HEPH: variants seen among roughly 807,000 people sequenced by gnomAD.
HEPH encodes the protein hephaestin.
A neutral mutation model predicts 80.8 loss-of-function variants in HEPH; 69 were observed. That is an observed-to-expected ratio of 0.85 (90% CI 0.70 to 1.04). The LOEUF is 1.04. HEPH is among the 50% of genes least tolerant of loss of function. The pLI is 0.00. For missense variants in HEPH, 1,115 were observed against 891.3 expected (o/e 1.25, Z -3.20); for synonymous variants, 431 against 322.8 (o/e 1.34, Z -3.60).
At position 66,164,473 on chromosome X, in the gene HEPH, A is replaced by G. The variant is rs958374105; in HGVS notation, c.-14+3A>G. On this transcript the variant is annotated splice_donor_region_variant and intron_variant, in intron 1 of 20. Coordinates refer to ENST00000343002, the MANE Select transcript of HEPH (RefSeq NM_001367233.3). ...TGGAGTAGTTTTCTCTAGCAAAGGT[A>G]AGCTTTCTTTTCTCTCTTTTCAAAC... 9.3e-6 allele frequency: 7 copies of G among 751,684 alleles called. No homozygotes were observed. The African/African-American group carries it at 1.6e-4, about 17-fold the overall frequency. The allele number at this position is 751,684 out of a possible 1,213,427, so 61.9% of individuals were successfully genotyped here.
chrX:66,258,310 G>A (rs1244946179), intron 17 of HEPH, among the ~76,000 whole-genome samples: 3 of 111,735 alleles, frequency 2.7e-5, no homozygotes, highest in Non-Finnish European at 5.6e-5. Context: ...TTATGGAGAG[G>A]AACTAGGAGA....
chrX:66,170,902 G>T (rs2086568618), intron 2 of HEPH, among the ~76,000 whole-genome samples, 165 bp downstream of exon 2: 1 of 111,725 alleles, frequency 9.0e-6, no homozygotes, highest in Non-Finnish European at 1.9e-5. Flanking sequence ...AAGGCTAGTT[G>T]AGTCAGAAGC....
chrX:66,251,114 C>A (rs1374390521), intron 15 of HEPH, among the ~76,000 whole-genome samples: 1 of 112,134 alleles, frequency 8.9e-6, no homozygotes, highest in African/African-American at 3.2e-5. Flanking sequence ...AACTCCTGAC[C>A]TCAAGTGATC....
rs756111538 is a variant in HEPH, at chrX:66,261,554, T to C, written c.3199+1292T>C. On this transcript the variant is annotated intron_variant, in intron 19 of 20. Transcript: ENST00000343002. ...CAAGGCTGTGTTTTTTTTTTTTTTT[T>C]CTATGCTTTTAAAGAATATATAGCC... Among the ~76,000 whole-genome samples, 16 of 91,828 alleles carry C rather than the reference T, an allele frequency of 1.7e-4. No individual in the cohort carries two copies. The South Asian group carries it at 3.0e-3, about 17-fold the overall frequency. The allele number at this position is 91,828 out of a possible 115,157, so 79.7% of individuals were successfully genotyped here. A position where few individuals can be genotyped will look rare whatever the true frequency, so the allele number is the denominator to read the frequency against.
chrX:66,227,744 C>T (rs1019639013), intron 15 of HEPH, among the ~76,000 whole-genome samples: 2 of 111,269 alleles, frequency 1.8e-5, no homozygotes, highest in African/African-American at 6.5e-5. Flanking sequence ...TATTCTGTTC[C>T]ATTGCTCTAT....
intron 13 of HEPH, among the ~76,000 whole-genome samples, chrX:66,204,735 A>G (rs1361716231): frequency 3.6e-5 from 4 of 112,484 alleles, no homozygotes; most frequent in African/African-American, 9.7e-5. Flanking sequence ...GACTTTATGT[A>G]GAAATCAGTT....
Position 66,200,748 on chromosome X carries a change from C to A in HEPH, c.2073C>A (p.Asn691Lys). ...TCATGGCCATCATGCAGCCTGACAA[C>A]CTTGGTAAGTGCCTTAGCAGCTGGC... is the stretch of plus-strand genomic sequence containing the variant. ...TFVMAIMQPD[N>K]LGTFEIYCQA... The change falls in exon 12 of 21, where the codon AAC (asparagine) becomes AAA (lysine). Residue 691 changes from asparagine to lysine, a missense_variant. Asn to Lys is a moderately conservative substitution (Grantham distance 94, BLOSUM62 0). Transcript: ENST00000343002. 8.3e-7 allele frequency: 1 copy of A among 1,207,295 alleles called. No individual in the cohort carries two copies. The highest frequency in any genetic ancestry group is 1.8e-5 in the South Asian group (1 of 56,464).
At chrX:66,215,701 C>G (rs1160099131) in intron 15 of HEPH, among the ~76,000 whole-genome samples, 1 of 111,187 alleles carries the variant, frequency 9.0e-6, no homozygotes, top group Non-Finnish European at 1.9e-5. Flanking sequence ...ATCTTTGCTC[C>G]AGGAACTACA....
intron 15 of HEPH, among the ~76,000 whole-genome samples, chrX:66,239,932 C>T (rs896555712): frequency 1.8e-5 from 2 of 111,572 alleles, no homozygotes; most frequent in Non-Finnish European, 3.8e-5. Flanking sequence ...CTATTTTCTA[C>T]GTTTCTAAGC....
intron 1 of HEPH, among the ~76,000 whole-genome samples, chrX:66,165,031 T>C (rs1377797005): frequency 8.9e-6 from 1 of 112,091 alleles, no homozygotes; most frequent in Non-Finnish European, 1.9e-5. Flanking sequence ...ACCTCTCTGG[T>C]ATCAGTTTTT....
At chrX:66,241,455 C>T (rs1461704501) in intron 15 of HEPH, among the ~76,000 whole-genome samples, 1 of 111,474 alleles carries the variant, frequency 9.0e-6, no homozygotes, top group Non-Finnish European at 1.9e-5. Context: ...GCTGAGGTAG[C>T]TATTATTATT....
chrX:66,182,033 G>T (rs1165459806), intron 4 of HEPH, among the ~76,000 whole-genome samples: 1 of 106,598 alleles, frequency 9.4e-6, no homozygotes, highest in African/African-American at 3.4e-5. Flanking sequence ...TATTTCTGAG[G>T]GCTCTGTTCT....
intron 15 of HEPH, 35 bp from the exon 16 acceptor site, chrX:66,255,000 C>T (rs756066929): frequency 9.7e-7 from 1 of 1,030,073 alleles, no homozygotes; most frequent in South Asian, 2.1e-5. Flanking sequence ...AATTTCTGAC[C>T]CGGTGCAACT....
rs1007714345 is a variant in HEPH, at chrX:66,197,743, T to TC, written c.1568dup (p.His524SerfsTer53). 2 of 1,209,576 alleles carry TC rather than the reference T, an allele frequency of 1.7e-6. No homozygotes were observed. The highest frequency in any genetic ancestry group is 1.7e-5 in the African/African-American group (1 of 57,151). The stretch of plus-strand genomic sequence containing the variant: ...GAGAAAGTAACATACCGCTGGACAG[T>TC]CCCCCCTCATGCCGGTCCCACTGCT... On this transcript the variant is annotated frameshift_variant, in exon 10 of 21. Coordinates refer to ENST00000343002, the MANE Select transcript of HEPH (RefSeq NM_001367233.3). LOFTEE classifies it high-confidence loss of function.
At position 66,255,035 on chromosome X, in the gene HEPH, G is replaced by A. The variant is rs925284531; in HGVS notation, c.2564G>A (p.Gly855Asp). 5 of 1,189,631 alleles carry A rather than the reference G, an allele frequency of 4.2e-6. No homozygotes were observed. The highest frequency in any genetic ancestry group is 5.7e-6 in the Non-Finnish European group (5 of 879,551). The change falls in exon 16 of 21, where the codon GGT (glycine) becomes GAT (aspartate). Residue 855 changes from glycine to aspartate, a missense_variant and splice_region_variant. Physicochemically the swap from Gly to Asp is moderately conservative, Grantham distance 94 (BLOSUM62 -1). Transcript: ENST00000343002. ...TTVWPLAAEP[G>D]EVVTYQWNIP... is the part of the protein sequence containing the mutation. ...TGGAGGTTCCTTGTTACACTTCTAG[G>A]TGAGGTGGTCACTTATCAGTGGAAC...
At chrX:66,240,788 T>C (rs2090540745) in intron 15 of HEPH, among the ~76,000 whole-genome samples, 1 of 112,294 alleles carries the variant, frequency 8.9e-6, no homozygotes. Flanking sequence ...GAAAAGTCTA[T>C]GAGGATTCAT....
chrX:66,164,041 G>A (rs949952482), upstream of HEPH, among the ~76,000 whole-genome samples: 2 of 111,826 alleles, frequency 1.8e-5, no homozygotes, highest in Non-Finnish European at 3.8e-5. Flanking sequence ...AAATGGAGCT[G>A]TTGAAATCTA....
chrX:66,212,418 G>A (rs1252810847), intron 15 of HEPH, among the ~76,000 whole-genome samples: 1 of 111,099 alleles, frequency 9.0e-6, no homozygotes, highest in Non-Finnish European at 1.9e-5. Context: ...CTCAACCAAT[G>A]TTCAGGAGAG....
Position 66,266,707 on chromosome X carries a change from TC to T in HEPH, c.*36del. On this transcript the variant is annotated 3_prime_UTR_variant, in exon 21 of 21. Transcript: ENST00000343002. ...CCTGGAGATATCCTCAGGAAGCACA[TC>T]TGTAGTGCACTCCCAGCAGGCCATG... The T allele has an allele frequency of 9.8e-7, 1 of 1,016,538 alleles. No homozygotes were observed. The highest frequency in any genetic ancestry group is 1.4e-6 in the Non-Finnish European group (1 of 725,510). 83.8% of individuals were successfully genotyped at this position (1,016,538 alleles called of 1,213,427 possible). A position where few individuals can be genotyped will look rare whatever the true frequency, so the allele number is the denominator to read the frequency against.
Sources: gnomAD v4.1 joint callset for allele counts (sites outside exome capture counted in the v4.1 genomes callset) on GRCh38, gnomAD v4.1.1 for gene constraint, MANE v1.5 for transcripts, NCBI Gene and HGNC (gene_info 2026-07-23, HGNC 2026-07-21) for gene names.